SLX4IP: variants seen among roughly 807,000 people sequenced by gnomAD.
SLX4IP encodes protein SLX4IP.
A neutral mutation model predicts 32.9 loss-of-function variants in SLX4IP; 34 were observed. That is an observed-to-expected ratio of 1.03 (90% confidence interval 0.79 to 1.38). The LOEUF (loss-of-function observed/expected upper bound fraction) is 1.38. Among genes scored for constraint, SLX4IP ranks in the 40% most tolerant of loss-of-function variants. The pLI, the probability that SLX4IP is intolerant of heterozygous loss-of-function variation, is 0.00. For synonymous variants in SLX4IP, 172 were observed against 171.7 expected (o/e 1.00, Z -0.01); for missense variants, 444 against 479.0 (o/e 0.93, Z 0.68).
rs576810666 is a variant in SLX4IP, at chr20:10,479,619, G to A, written c.27+21388G>A. Among the ~76,000 whole-genome samples the A allele has an allele frequency of 1.3e-4, 10 of 75,040 alleles. 1 individual carries two copies. The South Asian group carries it at 5.0e-3, about 38-fold the overall frequency. The allele number at this position is 75,040 out of a possible 152,430, so 49.2% of individuals were successfully genotyped here. ...CCTGCCTTGGCTCCCAAAGTCCTGG[G>A]ATTACAGGCGTGAGCCACGTCCCGG... On this transcript the variant is annotated intron_variant, in intron 2 of 7. Coordinates refer to ENST00000334534, the MANE Select transcript of SLX4IP (RefSeq NM_001009608.3).
intron 6 of SLX4IP, chr20:10,613,422 A>G: frequency 6.3e-7 from 1 of 1,582,078 alleles, no homozygotes; most frequent in Non-Finnish European, 8.7e-7. Context: ...GGACCTTTGA[A>G]GAGAAAAATT....
In SLX4IP at chr20:10,623,625, T is replaced by A. The variant is rs1275228076; in HGVS notation, c.*246T>A. The A allele has an allele frequency of 5.4e-6, 3 of 558,286 alleles. No individual in the cohort carries two copies. Among genetic ancestry groups the A allele is most frequent in the Non-Finnish European group, 9.1e-6 (3 of 328,540 alleles). The allele number at this position is 558,286 out of a possible 1,614,324, so 34.6% of individuals were successfully genotyped here. A position where few individuals can be genotyped will look rare whatever the true frequency, so the allele number is the denominator to read the frequency against. On this transcript the variant is annotated 3_prime_UTR_variant, in exon 8 of 8. Coordinates refer to ENST00000334534, the MANE Select transcript of SLX4IP (RefSeq NM_001009608.3). ...TTTATGACTGTCTTCAGAGAATTAG[T>A]AATGACAAAGAGCCATCCACCTTGT...
At chr20:10,497,304 T>A (rs2065676181) in intron 2 of SLX4IP, among the ~76,000 whole-genome samples, 2 of 152,198 alleles carry the variant, frequency 1.3e-5, no homozygotes, top group South Asian at 4.1e-4. Context: ...GAAGGCACTC[T>A]TCCATTTTCT....
chr20:10,446,808 G>T (rs1415952909), intron 1 of SLX4IP, among the ~76,000 whole-genome samples: 1 of 151,852 alleles, frequency 6.6e-6, no homozygotes, highest in Non-Finnish European at 1.5e-5. Context: ...TTTCTGATTG[G>T]ACTGTTGCTT....
At chr20:10,548,535 G>A (rs938518521) in intron 2 of SLX4IP, among the ~76,000 whole-genome samples, 7 of 151,846 alleles carry the variant, frequency 4.6e-5, no homozygotes, top group Non-Finnish European at 7.4e-5. Flanking sequence ...CACCACACCC[G>A]GCCTCTCCAG....
At chr20:10,605,823 T>C (rs1266628798) in intron 6 of SLX4IP, among the ~76,000 whole-genome samples, 3 of 152,170 alleles carry the variant, frequency 2.0e-5, no homozygotes, top group East Asian at 3.8e-4. Flanking sequence ...AGAAACAATA[T>C]TGAAGCACTA....
intron 4 of SLX4IP, among the ~76,000 whole-genome samples, chr20:10,561,935 G>A (rs1020594655): frequency 6.6e-6 from 1 of 152,146 alleles, no homozygotes; most frequent in African/African-American, 2.4e-5. Flanking sequence ...AACAGGAAAA[G>A]ATACCTTATC....
chr20:10,572,040 G>A (rs772860783), intron 4 of SLX4IP, among the ~76,000 whole-genome samples: 13 of 152,042 alleles, frequency 8.6e-5, no homozygotes, highest in Non-Finnish European at 7.4e-5. Context: ...CTTACCGAGC[G>A]TCCACCCCTC....
chr20:10,559,126 T>A (rs1445194303), intron 3 of SLX4IP, among the ~76,000 whole-genome samples: 4 of 150,938 alleles, frequency 2.7e-5, no homozygotes, highest in Admixed American at 1.3e-4. Flanking sequence ...TAATTGTTTT[T>A]TAAAAAAAAA....
At chr20:10,475,289 G>A (rs1165340397) in intron 2 of SLX4IP, among the ~76,000 whole-genome samples, 1 of 152,228 alleles carries the variant, frequency 6.6e-6, no homozygotes, top group East Asian at 1.9e-4. Flanking sequence ...TCCCTGGGGA[G>A]TGGAAAGTGA....
chr20:10,460,789 C>T (rs1055082324), intron 2 of SLX4IP, among the ~76,000 whole-genome samples: 2 of 152,092 alleles, frequency 1.3e-5, no homozygotes, highest in African/African-American at 2.4e-5. Flanking sequence ...TGTTGGGGTG[C>T]GTCTATGGAG....
intron 6 of SLX4IP, among the ~76,000 whole-genome samples, chr20:10,619,822 T>C (rs2067086551): frequency 6.6e-6 from 1 of 152,184 alleles, no homozygotes; most frequent in South Asian, 2.1e-4. Flanking sequence ...TTTTAAGCTG[T>C]CACTCATTTT....
At chr20:10,614,410 T>TTCCAGTATGGCTATGAAGGG (rs1371298935) in intron 6 of SLX4IP, among the ~76,000 whole-genome samples, 1 of 152,196 alleles carries the variant, frequency 6.6e-6, no homozygotes, top group Non-Finnish European at 1.5e-5. Flanking sequence ...TGCCATATGC[T>TTCCAGTATGGCTATGAAGGG]TCCAGTATGG....
chr20:10,581,964 A>G (rs1413882791), intron 4 of SLX4IP, among the ~76,000 whole-genome samples: 1 of 152,108 alleles, frequency 6.6e-6, no homozygotes, highest in Non-Finnish European at 1.5e-5. Context: ...TGCCTTGAAA[A>G]TATTTGCATT....
intron 6 of SLX4IP, 134 bp from the exon 7 acceptor site, chr20:10,621,179 AT>A: frequency 1.3e-6 from 1 of 754,272 alleles, no homozygotes; most frequent in Non-Finnish European, 2.2e-6. Context: ...AAAGGTTAAA[AT>A]AGCTTACCAC....
At chr20:10,438,382 C>T (rs1023102954) in intron 1 of SLX4IP, among the ~76,000 whole-genome samples, 1 of 151,878 alleles carries the variant, frequency 6.6e-6, no homozygotes, top group African/African-American at 2.4e-5. Flanking sequence ...TTCCTCTTGC[C>T]GCATTGTCAT....
intron 2 of SLX4IP, among the ~76,000 whole-genome samples, chr20:10,528,632 T>C (rs971743005): frequency 6.6e-6 from 1 of 152,234 alleles, no homozygotes; most frequent in African/African-American, 2.4e-5. Flanking sequence ...ACTAGCTCTT[T>C]GGAGTAAACC....
chr20:10,451,778 C>G (rs2065244490), intron 1 of SLX4IP, among the ~76,000 whole-genome samples: 7 of 151,276 alleles, frequency 4.6e-5, no homozygotes, highest in African/African-American at 1.5e-4. Context: ...AACAGCTTGG[C>G]CAATATGGTG....
intron 4 of SLX4IP, among the ~76,000 whole-genome samples, chr20:10,571,988 C>T (rs933387867): frequency 2.0e-5 from 3 of 152,196 alleles, no homozygotes; most frequent in African/African-American, 7.2e-5. Context: ...CAGCCCCACC[C>T]CACCCCAGGT....
Sources: gnomAD v4.1 joint callset for allele counts (sites outside exome capture counted in the v4.1 genomes callset) on GRCh38, gnomAD v4.1.1 for gene constraint, MANE v1.5 for transcripts, NCBI Gene and HGNC (gene_info 2026-07-23, HGNC 2026-07-21) for gene names.